The following MAGI2 variants were observed in gnomAD, a reference collection of about 807,000 sequenced individuals.
MAGI2 encodes the protein membrane-associated guanylate kinase, WW and PDZ domain-containing protein 2.
MAGI2 carries 35 observed loss-of-function variants against 133.3 expected under a neutral mutation model. That is an observed-to-expected ratio of 0.26 (90% CI 0.20 to 0.35). The LOEUF is 0.35. MAGI2 is among the 10% of genes least tolerant of loss of function. The pLI is 1.00. For synonymous variants in MAGI2, 729 were observed against 710.6 expected (o/e 1.03, Z -0.41); for missense variants, 1,636 against 1,863.4 (o/e 0.88, Z 2.25).
At position 78,646,226 on chromosome 7, in the gene MAGI2, T is replaced by C. The variant is rs1055300017; in HGVS notation, c.419-18987A>G. Reference sequence around the variant, plus strand: ...AGATCTGGGCAAAGATAGAAAAATATTAAAATTTATTAAATCTGAGTGGAA... The same window carrying C: ...AGATCTGGGCAAAGATAGAAAAATACTAAAATTTATTAAATCTGAGTGGAA... On this transcript the variant is annotated intron_variant, in intron 2 of 21. Coordinates refer to ENST00000354212, the MANE Select transcript of MAGI2 (RefSeq NM_012301.4). 8.5e-5 allele frequency among the ~76,000 whole-genome samples: 13 copies of C among 152,268 alleles called. No homozygotes were observed. The East Asian group carries it at 9.7e-4, about 11-fold the overall frequency.
intron 2 of MAGI2, among the ~76,000 whole-genome samples, chr7:78,633,769 G>T (rs1372429579): frequency 1.3e-5 from 2 of 151,240 alleles, no homozygotes; most frequent in African/African-American, 2.4e-5. Flanking sequence ...CGATAAAAAG[G>T]TTCTTAGATT....
intron 2 of MAGI2, among the ~76,000 whole-genome samples, chr7:78,764,487 G>A (rs1346571164): frequency 6.6e-6 from 1 of 152,154 alleles, no homozygotes; most frequent in Non-Finnish European, 1.5e-5. Flanking sequence ...CTTAGGAAAG[G>A]AAATGTGAGT....
At chr7:78,479,433 C>G (rs1792128748) in intron 6 of MAGI2, among the ~76,000 whole-genome samples, 1 of 151,876 alleles carries the variant, frequency 6.6e-6, no homozygotes, top group South Asian at 2.1e-4. Context: ...GATCCAGTGT[C>G]TAACATCCCT....
chr7:78,979,245 A>C (rs1220220645), intron 2 of MAGI2, among the ~76,000 whole-genome samples: 10 of 151,844 alleles, frequency 6.6e-5, no homozygotes, highest in African/African-American at 2.4e-4. Context: ...TCCTCCAATA[A>C]AAGGAACCAG....
intron 3 of MAGI2, among the ~76,000 whole-genome samples, chr7:78,558,777 C>A (rs904874646): frequency 6.6e-6 from 1 of 150,816 alleles, no homozygotes; most frequent in Non-Finnish European, 1.5e-5. Flanking sequence ...AGTTGGCCCA[C>A]GTGAGGGTGA....
At chr7:78,116,291 C>T (rs1819860673) in intron 20 of MAGI2, among the ~76,000 whole-genome samples, 1 of 151,366 alleles carries the variant, frequency 6.6e-6, no homozygotes, top group Admixed American at 6.6e-5. Context: ...AAATCTACAG[C>T]CTTAAATTTG....
chr7:78,115,341 A>G (rs1232243177), intron 20 of MAGI2, among the ~76,000 whole-genome samples: 3 of 152,232 alleles, frequency 2.0e-5, no homozygotes, highest in Non-Finnish European at 4.4e-5. Context: ...AACTAATAGG[A>G]AAAGAACAAA....
At chr7:78,108,299 A>G (rs1461763690) in intron 20 of MAGI2, among the ~76,000 whole-genome samples, 9 of 152,100 alleles carry the variant, frequency 5.9e-5, no homozygotes, top group Non-Finnish European at 1.2e-4. Context: ...CCCTCTTGTT[A>G]CTGACTTCCA....
chr7:78,802,063 C>T (rs1457343667), intron 2 of MAGI2, among the ~76,000 whole-genome samples: 1 of 152,142 alleles, frequency 6.6e-6, no homozygotes, highest in African/African-American at 2.4e-5. Flanking sequence ...AAGGGCTTTC[C>T]TTTCTCAGGC....
chr7:79,117,978 G>A (rs1379483466), intron 1 of MAGI2, among the ~76,000 whole-genome samples: 1 of 152,102 alleles, frequency 6.6e-6, no homozygotes, highest in Non-Finnish European at 1.5e-5. Flanking sequence ...GTTCTCTATT[G>A]TAAACTTACA....
intron 6 of MAGI2, among the ~76,000 whole-genome samples, chr7:78,395,427 TG>T (rs1796253471): frequency 6.6e-6 from 1 of 152,226 alleles, no homozygotes; most frequent in Non-Finnish European, 1.5e-5. Context: ...CTTCAGCTTT[TG>T]GTTTCTTTAC....
chr7:78,486,467 A>C (rs1793017646), intron 6 of MAGI2: 1 of 172,502 alleles, frequency 5.8e-6, no homozygotes. Flanking sequence ...GTAGTTGAGG[A>C]AAAATCAAAA....
At chr7:78,481,227 T>TCAA (rs1307164479) in intron 6 of MAGI2, among the ~76,000 whole-genome samples, 1 of 151,918 alleles carries the variant, frequency 6.6e-6, no homozygotes, top group Non-Finnish European at 1.5e-5. Context: ...TGACTCACAG[T>TCAA]TGTACATGGC....
intron 1 of MAGI2, among the ~76,000 whole-genome samples, chr7:79,049,511 T>A (rs1192246636): frequency 6.6e-6 from 1 of 152,190 alleles, no homozygotes; most frequent in East Asian, 1.9e-4. Context: ...TGCCTGTTTA[T>A]TACAGACTTG....
At chr7:78,442,655 G>A (rs566231305) in intron 6 of MAGI2, among the ~76,000 whole-genome samples, 20 of 152,140 alleles carry the variant, frequency 1.3e-4, no homozygotes, top group Non-Finnish European at 2.4e-4. Context: ...TTGCTCTCTC[G>A]GCTGTGATTT....
intron 6 of MAGI2, among the ~76,000 whole-genome samples, chr7:78,400,685 T>C (rs1230732663): frequency 6.6e-6 from 1 of 152,214 alleles, no homozygotes; most frequent in African/African-American, 2.4e-5. Context: ...TTTAGCCTAC[T>C]AATGACATCC....
chr7:78,294,664 A>G (rs1200161642), intron 9 of MAGI2, among the ~76,000 whole-genome samples: 1 of 149,274 alleles, frequency 6.7e-6, no homozygotes, highest in East Asian at 1.9e-4. Flanking sequence ...CCTCAATGCC[A>G]TCTATCAGCA....
chr7:78,152,598 C>T (rs1262313020), intron 16 of MAGI2, among the ~76,000 whole-genome samples: 1 of 152,224 alleles, frequency 6.6e-6, no homozygotes, highest in Admixed American at 6.5e-5. Context: ...ACTTACTTGA[C>T]TGAAAACATA....
At chr7:79,322,868 TAA>T (rs1455415581) in intron 1 of MAGI2, among the ~76,000 whole-genome samples, 1 of 152,152 alleles carries the variant, frequency 6.6e-6, no homozygotes, top group East Asian at 1.9e-4. Flanking sequence ...AATTGTGCAT[TAA>T]GTGTTACCAA....
Sources: gnomAD v4.1 joint callset for allele counts (sites outside exome capture counted in the v4.1 genomes callset) on GRCh38, gnomAD v4.1.1 for gene constraint, MANE v1.5 for transcripts, NCBI Gene and HGNC (gene_info 2026-07-23, HGNC 2026-07-21) for gene names.